Variants in SYN2 observed in about 807,000 individuals in gnomAD.
The protein encoded by SYN2 is synapsin II, also known as synapsin-2.
In SYN2, 19 loss-of-function variants were observed where a neutral mutation model predicts 50.9. The ratio of observed to expected loss-of-function variants is 0.37; its 90% CI spans 0.26 to 0.55. SYN2 has a LOEUF of 0.55. Ranked by LOEUF, SYN2 falls within the 20% of genes least tolerant of loss-of-function variation. SYN2 has a pLI of 0.81. For synonymous variants in SYN2, 255 were observed against 224.9 expected, an observed-to-expected ratio of 1.13 and a Z score of -1.20; for missense variants, 587 against 576.4, an observed-to-expected ratio of 1.02 and a Z score of -0.19.
chr3:12,058,060 C>T (rs766239941), intron 1 of SYN2, among the ~76,000 whole-genome samples: 2 of 152,034 alleles, frequency 1.3e-5, no homozygotes, highest in African/African-American at 2.4e-5. Flanking sequence ...GAATTTGATC[C>T]CTGTCCTTTT....
At position 12,037,564 on chromosome 3, in the gene SYN2, GAGCACA is replaced by G. The variant is rs549306794; in HGVS notation, c.377+32639_377+32644del. ...TCACATGGTGTGTGAGAGAGAGTGTGAGCACAAGAGCAAGTGAGAGCAAGAACTAGA... is the reference window on the plus strand; with the variant it reads ...TCACATGGTGTGTGAGAGAGAGTGTGAGAGCAAGTGAGAGCAAGAACTAGA... On this transcript the variant is annotated intron_variant, in intron 1 of 12. Coordinates refer to ENST00000621198, the MANE Select transcript of SYN2 (RefSeq NM_133625.6). 7.9e-5 allele frequency among the ~76,000 whole-genome samples: 12 copies of G among 152,322 alleles called. No homozygotes were observed. The South Asian group carries it at 2.5e-3, about 32-fold the overall frequency.
chr3:12,140,556 ATC>A, intron 1 of SYN2, 93 bp from the exon 2 acceptor site: 1 of 714,812 alleles, frequency 1.4e-6, no homozygotes. Flanking sequence ...CATTCTGGAG[ATC>A]TGTCTGCTGT....
intron 11 of SYN2, among the ~76,000 whole-genome samples, chr3:12,185,882 G>C (rs939688725): frequency 2.6e-5 from 4 of 152,206 alleles, no homozygotes; most frequent in Non-Finnish European, 4.4e-5. Flanking sequence ...AGTGGCAAAA[G>C]CTGGTTAATG....
intron 5 of SYN2, chr3:12,157,386 T>A: frequency 6.2e-7 from 1 of 1,614,030 alleles, no homozygotes; most frequent in Middle Eastern, 1.6e-4. Context: ...CCCATGTACC[T>A]TTATCTGTTT....
At chr3:12,083,484 CAAG>C (rs1201799142) in intron 1 of SYN2, among the ~76,000 whole-genome samples, 1 of 152,176 alleles carries the variant, frequency 6.6e-6, no homozygotes. Flanking sequence ...TGGGAAAACT[CAAG>C]GAGAGAGCTA....
chr3:12,095,657 G>A (rs955231136), intron 1 of SYN2, among the ~76,000 whole-genome samples: 1 of 140,264 alleles, frequency 7.1e-6, no homozygotes, highest in Non-Finnish European at 1.5e-5. Context: ...ATTCAACAAA[G>A]TTGACCATTC....
At chr3:12,067,237 A>G (rs1031039425) in intron 1 of SYN2, among the ~76,000 whole-genome samples, 26 of 152,344 alleles carry the variant, frequency 1.7e-4, no homozygotes, top group Admixed American at 6.5e-5. Flanking sequence ...GCATGGGAAA[A>G]GAAACAGAAT....
chr3:12,166,355 TTAATTTAAACC>T (rs2125240683), intron 7 of SYN2, among the ~76,000 whole-genome samples: 1 of 152,334 alleles, frequency 6.6e-6, no homozygotes, highest in South Asian at 2.1e-4. Context: ...GTGTTTATAG[TTAATTTAAACC>T]TGTATCAATT....
intron 1 of SYN2, among the ~76,000 whole-genome samples, chr3:12,034,569 T>C (rs1574899935): frequency 6.6e-6 from 1 of 152,206 alleles, no homozygotes; most frequent in South Asian, 2.1e-4. Context: ...GGACCGTATC[T>C]GATGAGGGCC....
At chr3:12,090,422 A>G (rs563095533) in intron 1 of SYN2, among the ~76,000 whole-genome samples, 1 of 152,212 alleles carries the variant, frequency 6.6e-6, no homozygotes, top group African/African-American at 2.4e-5. Flanking sequence ...TAAAGAGATG[A>G]CACAATGTAG....
rs577728523 is a variant in SYN2, at chr3:12,022,501, G to A, written c.377+17573G>A. On this transcript the variant is annotated intron_variant, in intron 1 of 12. Coordinates refer to ENST00000621198, the MANE Select transcript of SYN2 (RefSeq NM_133625.6). ...CGGCTCACTGCAACCTTTGCCTCTC[G>A]GATTCAAGTGATTCTCCTGCCTTAG... 7.2e-5 allele frequency among the ~76,000 whole-genome samples: 11 copies of A among 152,058 alleles called. No homozygotes were observed. The South Asian group carries it at 1.2e-3, about 17-fold the overall frequency.
chr3:12,057,416 T>C (rs1695018640), intron 1 of SYN2, among the ~76,000 whole-genome samples: 2 of 152,188 alleles, frequency 1.3e-5, no homozygotes, highest in South Asian at 4.2e-4. Flanking sequence ...GTTTCAAATA[T>C]AGTCCAGCAG....
At chr3:12,088,372 A>T (rs1173833027) in intron 1 of SYN2, among the ~76,000 whole-genome samples, 1 of 151,608 alleles carries the variant, frequency 6.6e-6, no homozygotes, top group Admixed American at 6.6e-5. Context: ...AACATCTCAT[A>T]CCTTTTAGAA....
At chr3:12,158,767 C>T (rs1463688753) in intron 5 of SYN2, 2 of 1,606,248 alleles carry the variant, frequency 1.2e-6, no homozygotes, top group Non-Finnish European at 1.7e-6. Flanking sequence ...CTCACCCAGC[C>T]CCGGGGGCCG....
intron 1 of SYN2, among the ~76,000 whole-genome samples, chr3:12,112,927 G>A (rs1164508986): frequency 6.6e-6 from 1 of 152,158 alleles, no homozygotes; most frequent in Non-Finnish European, 1.5e-5. Flanking sequence ...ATCATCATGG[G>A]CTGTAAAGAC....
At position 12,098,856 on chromosome 3, in the gene SYN2, C is replaced by CATATATATATATATATATATATATATAT. The variant is rs35420190; in HGVS notation, c.378-41770_378-41769insTATATATATATATATATATATATATATA. The stretch of plus-strand genomic sequence containing the variant: ...GTCACAAATAGGTTAAAAGCAAAAG[C>CATATATATATATATATATATATATATAT]ATATATATATATATATATATATATA... On this transcript the variant is annotated intron_variant, in intron 1 of 12. Coordinates refer to ENST00000621198, the MANE Select transcript of SYN2 (RefSeq NM_133625.6). 1.7e-3 allele frequency among the ~76,000 whole-genome samples: 233 copies of CATATATATATATATATATATATATATAT among 133,470 alleles called. 4 individuals are homozygous for CATATATATATATATATATATATATATAT. The highest frequency in any genetic ancestry group is 4.8e-3 in the African/African-American group (167 of 35,138). 87.6% of individuals were successfully genotyped at this position (133,470 alleles called of 152,430 possible).
At chr3:12,163,413 C>T (rs780226451) in intron 7 of SYN2, among the ~76,000 whole-genome samples, 1 of 151,846 alleles carries the variant, frequency 6.6e-6, no homozygotes, top group Non-Finnish European at 1.5e-5. Flanking sequence ...TCTTACCCCC[C>T]CTTTTCACTA....
chr3:12,025,931 C>T (rs1559389979), intron 1 of SYN2, among the ~76,000 whole-genome samples: 2 of 152,216 alleles, frequency 1.3e-5, no homozygotes, highest in African/African-American at 4.8e-5. Context: ...ACTAGCCAAG[C>T]CTCTTGTTTC....
intron 1 of SYN2, among the ~76,000 whole-genome samples, chr3:12,024,552 TG>T (rs1694212510): frequency 6.6e-6 from 1 of 152,220 alleles, no homozygotes; most frequent in African/African-American, 2.4e-5. Flanking sequence ...AAACTCTTTT[TG>T]TGTCTGGTTT....
Sources: gnomAD v4.1 joint callset for allele counts (sites outside exome capture counted in the v4.1 genomes callset) on GRCh38, gnomAD v4.1.1 for gene constraint, MANE v1.5 for transcripts, NCBI Gene and HGNC (gene_info 2026-07-23, HGNC 2026-07-21) for gene names.